MYH10: variants seen among roughly 807,000 people sequenced by gnomAD.
The protein encoded by MYH10 is myosin heavy chain 10, also known as myosin-10.
MYH10 carries 55 observed loss-of-function variants against 257.8 expected under a neutral mutation model. That is an observed-to-expected ratio of 0.21 (90% CI 0.17 to 0.27). The LOEUF is 0.27. Among genes scored for constraint, MYH10 ranks in the 10% least tolerant of loss-of-function variants. MYH10 has a pLI of 1.00. For missense variants in MYH10, 1,631 were observed against 2,500.6 expected (o/e 0.65, Z 7.42); for synonymous variants, 854 against 921.7 (o/e 0.93, Z 1.33).
intron 2 of MYH10, among the ~76,000 whole-genome samples, chr17:8,622,398 T>C (rs2085500787): frequency 6.6e-6 from 1 of 152,168 alleles, no homozygotes. Flanking sequence ...CCAGCCTCAA[T>C]CTTACCCTAA....
At chr17:8,610,167 G>C (rs1386919382) in intron 2 of MYH10, among the ~76,000 whole-genome samples, 1 of 146,094 alleles carries the variant, frequency 6.8e-6, no homozygotes, top group Non-Finnish European at 1.5e-5. Context: ...TAAAGTGAGA[G>C]ACAATGTAGC....
At chr17:8,609,650 C>G (rs909939833) in intron 2 of MYH10, among the ~76,000 whole-genome samples, 1 of 151,688 alleles carries the variant, frequency 6.6e-6, no homozygotes, top group Non-Finnish European at 1.5e-5. Context: ...CATCTGAAAA[C>G]GTAAAATTAA....
chr17:8,574,982 A>G (rs1195677001), intron 6 of MYH10, among the ~76,000 whole-genome samples: 1 of 152,242 alleles, frequency 6.6e-6, no homozygotes, highest in Non-Finnish European at 1.5e-5. Context: ...TATTCTTCTA[A>G]TATTTCTAAA....
chr17:8,511,050 A>G (rs1203802285), intron 24 of MYH10: 1 of 115,340 alleles, frequency 8.7e-6, no homozygotes, highest in African/African-American at 4.1e-5. Flanking sequence ...ATATATATAT[A>G]TATATATATA....
chr17:8,570,198 T>C (rs1484919530), intron 6 of MYH10, among the ~76,000 whole-genome samples: 1 of 152,258 alleles, frequency 6.6e-6, no homozygotes, highest in African/African-American at 2.4e-5. Flanking sequence ...TCTGCCTTAT[T>C]TGAAAACTTT....
At chr17:8,556,672 T>A (rs998807994) in intron 7 of MYH10, among the ~76,000 whole-genome samples, 2 of 152,208 alleles carry the variant, frequency 1.3e-5, no homozygotes, top group African/African-American at 4.8e-5. Flanking sequence ...AAGGGAAACA[T>A]TCTTCCTCTA....
chr17:8,509,987 G>T, intron 24 of MYH10, 38 bp from the exon 25 acceptor site: 1 of 1,539,712 alleles, frequency 6.5e-7, no homozygotes, highest in East Asian at 2.4e-5. Flanking sequence ...CCACTTTCTC[G>T]AGATTTGACC....
chr17:8,592,359 G>T (rs910368286), intron 3 of MYH10, among the ~76,000 whole-genome samples: 1 of 152,134 alleles, frequency 6.6e-6, no homozygotes, highest in African/African-American at 2.4e-5. Flanking sequence ...GAAACCAAAT[G>T]TTCCTTCTTT....
chr17:8,568,494 G>A (rs1176198324), intron 7 of MYH10, among the ~76,000 whole-genome samples: 2 of 151,882 alleles, frequency 1.3e-5, no homozygotes, highest in African/African-American at 2.4e-5. Context: ...GTGTCACGAC[G>A]ACACTAGATC....
At chr17:8,524,847 C>T (rs2151911128) in intron 17 of MYH10, among the ~76,000 whole-genome samples, 1 of 152,336 alleles carries the variant, frequency 6.6e-6, no homozygotes, top group South Asian at 2.1e-4. Context: ...AATAACTCAG[C>T]TCAGTAGTAC....
At chr17:8,550,344 C>T (rs1367247428) in intron 9 of MYH10, among the ~76,000 whole-genome samples, 1 of 152,210 alleles carries the variant, frequency 6.6e-6, no homozygotes, top group South Asian at 2.1e-4. Flanking sequence ...CCCGCCGCCC[C>T]GTCTGGGATG....
chr17:8,493,842 C>G lies in MYH10; in HGVS notation c.4100G>C (p.Ser1367Thr). 1 of 1,613,876 alleles carries G rather than the reference C, an allele frequency of 6.2e-7. No homozygotes were observed. The highest frequency in any genetic ancestry group is 8.5e-7 in the Non-Finnish European group (1 of 1,179,886). ...EETRQKLNLS[S>T]RIRQLEEEKN... ...CTCCTCTTCCAGCTGCCGGATCCGACTGCTCAGGTTTAGTTTCTGGCGTGT... is the reference window on the plus strand; with the variant it reads ...CTCCTCTTCCAGCTGCCGGATCCGAGTGCTCAGGTTTAGTTTCTGGCGTGT... The change falls in exon 32 of 43, where the codon AGT (serine) becomes ACT (threonine). Residue 1367 changes from serine (S) to threonine (T), a missense_variant. Around this residue, in one of 11 missense-constraint regions of MYH10, gnomAD observed 463 missense variants for 621.8 expected, o/e 0.74. Transcript: ENST00000360416.
chr17:8,526,199 A>G (rs139064167), intron 17 of MYH10, among the ~76,000 whole-genome samples: 98 of 152,338 alleles, frequency 6.4e-4, no homozygotes, highest in African/African-American at 2.2e-3. Context: ...GAGCCACACT[A>G]ATAATGTATG....
At chr17:8,580,581 C>T (rs1156759474) in intron 4 of MYH10, among the ~76,000 whole-genome samples, 2 of 152,072 alleles carry the variant, frequency 1.3e-5, no homozygotes, top group African/African-American at 2.4e-5. Flanking sequence ...AATGTAGGTC[C>T]TACGTATTTT....
At chr17:8,584,632 G>A (rs2152036116) in intron 4 of MYH10, among the ~76,000 whole-genome samples, 1 of 152,298 alleles carries the variant, frequency 6.6e-6, no homozygotes, top group South Asian at 2.1e-4. Flanking sequence ...CACTTAACAG[G>A]TGGCTTTAAG....
intron 24 of MYH10, among the ~76,000 whole-genome samples, chr17:8,510,421 A>C (rs1054585996): frequency 6.6e-6 from 1 of 152,224 alleles, no homozygotes; most frequent in Non-Finnish European, 1.5e-5. Flanking sequence ...TCCTTCTAGA[A>C]GCCAACATGG....
At chr17:8,623,707 T>C (rs2085562883) in intron 1 of MYH10, among the ~76,000 whole-genome samples, 1 of 151,910 alleles carries the variant, frequency 6.6e-6, no homozygotes, top group Non-Finnish European at 1.5e-5. Context: ...CAAAAACACA[T>C]GATTGTCAGA....
At chr17:8,498,681 A>T (rs1350845608) in intron 30 of MYH10, among the ~76,000 whole-genome samples, 1 of 151,924 alleles carries the variant, frequency 6.6e-6, no homozygotes. Flanking sequence ...CCCCGTCTCT[A>T]CTAAAAAATT....
intron 7 of MYH10, among the ~76,000 whole-genome samples, chr17:8,564,960 A>G (rs964678664): frequency 1.3e-5 from 2 of 152,200 alleles, no homozygotes; most frequent in African/African-American, 4.8e-5. Context: ...CACCTTCTAG[A>G]TGTTTAACCA....
Sources: allele counts gnomAD v4.1 joint callset (sites outside exome capture counted in the v4.1 genomes callset), GRCh38; gene constraint gnomAD v4.1.1; regional missense constraint gnomAD v4.1.1; transcripts MANE v1.5; gene names NCBI Gene and HGNC (gene_info 2026-07-23, HGNC 2026-07-21).